The following RBFOX1 variants were observed in gnomAD, a reference collection of about 807,000 sequenced individuals.
RBFOX1 encodes the protein RNA binding fox-1 homolog 1, also known as RNA binding protein fox-1 homolog 1.
In RBFOX1, 8 loss-of-function variants were observed where a neutral mutation model predicts 57.7. The ratio of observed to expected loss-of-function variants is 0.14; its 90% CI spans 0.08 to 0.25. The LOEUF is 0.25. Among genes scored for constraint, RBFOX1 ranks in the 10% least tolerant of loss-of-function variants. The probability of loss-of-function intolerance (pLI) is 1.00; values close to 1 mark genes in which losing one functional copy is unlikely to be tolerated. For missense variants in RBFOX1, 611 were observed against 548.5 expected (o/e 1.11, Z -1.14); for synonymous variants, 326 against 222.4 (o/e 1.47, Z -4.15).
intron 1 of RBFOX1, among the ~76,000 whole-genome samples, chr16:6,046,771 C>T (rs770381178): frequency 1.3e-5 from 2 of 152,120 alleles, no homozygotes; most frequent in Non-Finnish European, 2.9e-5. Flanking sequence ...CATTATTTCC[C>T]AGACATGGAA....
intron 5 of RBFOX1, among the ~76,000 whole-genome samples, chr16:7,545,943 A>AT (rs2084351557): frequency 6.6e-6 from 1 of 151,356 alleles, no homozygotes; most frequent in Non-Finnish European, 1.5e-5. Context: ...AGATGTGAGC[A>AT]TGCCTTAGAA....
chr16:6,208,625 C>T (rs1172673173), intron 1 of RBFOX1, among the ~76,000 whole-genome samples: 3 of 152,184 alleles, frequency 2.0e-5, no homozygotes, highest in Admixed American at 6.5e-5. Flanking sequence ...TGAAGAAATA[C>T]GTAGCGCTGC....
intron 2 of RBFOX1, among the ~76,000 whole-genome samples, chr16:6,651,305 G>C (rs1363629539): frequency 6.6e-6 from 1 of 152,182 alleles, no homozygotes; most frequent in Admixed American, 6.5e-5. Flanking sequence ...AACGGCCCCA[G>C]GTCGCCATCT....
At chr16:6,553,921 C>T (rs999856227) in intron 2 of RBFOX1, among the ~76,000 whole-genome samples, 2 of 152,028 alleles carry the variant, frequency 1.3e-5, no homozygotes, top group Non-Finnish European at 1.5e-5. Context: ...GTACCTAAAT[C>T]ATTCCCAACA....
chr16:6,131,850 T>C (rs1463242), intron 1 of RBFOX1, among the ~76,000 whole-genome samples: 50,207 of 152,064 alleles, frequency 0.33, 9,610 homozygotes, highest in Non-Finnish European at 0.44. Context: ...TGCCACTCTC[T>C]GGCTCTCTGT....
chr16:5,820,819 C>G (rs543232473), intron 3 of RBFOX1, among the ~76,000 whole-genome samples: 21 of 152,272 alleles, frequency 1.4e-4, no homozygotes, highest in Non-Finnish European at 2.5e-4. Flanking sequence ...AGATCCAGCC[C>G]TCTCTTTGAC....
At chr16:6,008,107 AAGCAGG>A in intron 4 of RBFOX1, among the ~76,000 whole-genome samples, 1 of 152,250 alleles carries the variant, frequency 6.6e-6, no homozygotes, top group East Asian at 1.9e-4. Flanking sequence ...CAGGAGGCTG[AAGCAGG>A]AGGGTCACTT....
At chr16:7,064,140 T>C (rs1359207902) in intron 4 of RBFOX1, among the ~76,000 whole-genome samples, 1 of 148,450 alleles carries the variant, frequency 6.7e-6, no homozygotes, top group Non-Finnish European at 1.5e-5. Context: ...GCGTGGGCCC[T>C]AATCCAGTAT....
intron 1 of RBFOX1, among the ~76,000 whole-genome samples, chr16:5,291,744 G>T (rs2063540642): frequency 6.6e-6 from 1 of 152,174 alleles, no homozygotes; most frequent in Admixed American, 6.5e-5. Flanking sequence ...GGTGATCGTG[G>T]CTTGGTTTAT....
At chr16:7,214,303 C>G (rs1267584702) in intron 4 of RBFOX1, among the ~76,000 whole-genome samples, 2 of 152,124 alleles carry the variant, frequency 1.3e-5, no homozygotes, top group African/African-American at 4.8e-5. Flanking sequence ...TTTATGATGA[C>G]ACGATGATCT....
chr16:5,679,807 C>T (rs1310453751), intron 3 of RBFOX1, among the ~76,000 whole-genome samples: 1 of 152,164 alleles, frequency 6.6e-6, no homozygotes, highest in Non-Finnish European at 1.5e-5. Flanking sequence ...CTCCTTCTCT[C>T]CAAATTTCTG....
intron 4 of RBFOX1, among the ~76,000 whole-genome samples, chr16:5,926,374 C>T (rs147614485): frequency 0.01 from 1,551 of 152,062 alleles, 13 homozygotes; most frequent in Non-Finnish European, 0.018. Flanking sequence ...AATCAGCTTC[C>T]TAGGGAGTCT....
At chr16:5,723,188 A>C (rs900493436) in intron 3 of RBFOX1, among the ~76,000 whole-genome samples, 3 of 152,176 alleles carry the variant, frequency 2.0e-5, no homozygotes, top group Non-Finnish European at 4.4e-5. Flanking sequence ...ACATGGGAGA[A>C]TCACAACGGG....
chr16:7,203,408 A>AT (rs1371748454), intron 4 of RBFOX1, among the ~76,000 whole-genome samples: 9 of 152,204 alleles, frequency 5.9e-5, no homozygotes, highest in African/African-American at 1.7e-4. Flanking sequence ...TTATTGTTTA[A>AT]TGGGTACACA....
At chr16:7,611,835 AC>A (rs1180533331) in intron 10 of RBFOX1, among the ~76,000 whole-genome samples, 2 of 152,156 alleles carry the variant, frequency 1.3e-5, no homozygotes, top group Non-Finnish European at 2.9e-5. Context: ...ATCAAGTCAT[AC>A]TTATAAAAAT....
chr16:6,295,486 G>A (rs1295942822), intron 1 of RBFOX1, among the ~76,000 whole-genome samples: 3 of 152,148 alleles, frequency 2.0e-5, no homozygotes, highest in African/African-American at 7.2e-5. Context: ...GGAGCTGTGT[G>A]CTATTACCAA....
At chr16:5,612,955 G>A (rs1323919883) in intron 3 of RBFOX1, among the ~76,000 whole-genome samples, 2 of 152,162 alleles carry the variant, frequency 1.3e-5, no homozygotes, top group African/African-American at 4.8e-5. Context: ...CACATAGAAA[G>A]GACTCAATCC....
chr16:6,916,591 G>C (rs767722161), intron 3 of RBFOX1, among the ~76,000 whole-genome samples: 1 of 151,762 alleles, frequency 6.6e-6, no homozygotes, highest in East Asian at 1.9e-4. Context: ...CTACACACTT[G>C]TAAGGCCTTC....
At chr16:6,781,805 C>G (rs568559155) in intron 3 of RBFOX1, among the ~76,000 whole-genome samples, 21 of 152,190 alleles carry the variant, frequency 1.4e-4, no homozygotes, top group African/African-American at 5.1e-4. Flanking sequence ...TGGACATTCT[C>G]TCTTTTTTCT....
Sources: allele counts gnomAD v4.1 joint callset (sites outside exome capture counted in the v4.1 genomes callset), GRCh38; gene constraint gnomAD v4.1.1; transcripts MANE v1.5; gene names NCBI Gene and HGNC (gene_info 2026-07-23, HGNC 2026-07-21).